CLPB: variants seen among roughly 807,000 people sequenced by gnomAD.
CLPB encodes the protein mitochondrial disaggregase.
A neutral mutation model predicts 78.4 loss-of-function variants in CLPB; 40 were observed. The observed-to-expected ratio is 0.51, with a 90% confidence interval of 0.40 to 0.66. The LOEUF (loss-of-function observed/expected upper bound fraction) is 0.66, where lower values mean the gene tolerates loss of function less well. Ranked by LOEUF, CLPB falls within the 30% of genes least tolerant of loss-of-function variation. The pLI is 0.00. For synonymous variants in CLPB, 333 were observed against 348.0 expected (o/e 0.96, Z 0.48); for missense variants, 780 against 886.9 (o/e 0.88, Z 1.53).
At chr11:72,341,259 G>T (rs545217330) in intron 5 of CLPB, among the ~76,000 whole-genome samples, 1 of 152,130 alleles carries the variant, frequency 6.6e-6, no homozygotes, top group African/African-American at 2.4e-5. Flanking sequence ...CAGGGAGCCG[G>T]CTACCCTACC....
At chr11:72,424,240 A>G (rs1447500659) in intron 2 of CLPB, among the ~76,000 whole-genome samples, 1 of 152,222 alleles carries the variant, frequency 6.6e-6, no homozygotes, top group Non-Finnish European at 1.5e-5. Context: ...TATCGGGCCC[A>G]GAGAGACCTG....
chr11:72,362,303 C>A (rs1950855339), intron 4 of CLPB, among the ~76,000 whole-genome samples: 1 of 152,208 alleles, frequency 6.6e-6, no homozygotes, highest in African/African-American at 2.4e-5. Context: ...TTATTACATT[C>A]TATCGTAAGC....
Position 72,293,399 on chromosome 11 carries a change from G to C in CLPB, c.2002C>G (p.Leu668Val), listed in dbSNP as rs1348557095. 6.2e-6 allele frequency: 10 copies of C among 1,614,076 alleles called. No homozygotes were observed. Among genetic ancestry groups the C allele is most frequent in the Non-Finnish European group, 8.5e-6 (10 of 1,180,026 alleles). Residue 668 changes from leucine to valine, a missense_variant, in exon 16 of 16, where the codon CTG (leucine) becomes GTG (valine). Physicochemically the swap from Leu to Val is conservative, Grantham distance 32 (BLOSUM62 1). Coordinates refer to ENST00000538039, the MANE Select transcript of CLPB (RefSeq NM_001258392.3). The stretch of plus-strand genomic sequence containing the variant: ...GTGTTGCACACCTTCTCAGGGTGCA[G>C]TGGTGCCCGGATGTCCAGTCTGCGA... ...KTRRLDIRAP[L>V]HPEKVCNTI
intron 7 of CLPB, among the ~76,000 whole-genome samples, chr11:72,314,160 A>T (rs1309925555): frequency 6.6e-6 from 1 of 152,210 alleles, no homozygotes; most frequent in Non-Finnish European, 1.5e-5. Context: ...TGTAATATGG[A>T]ATATGCGTCA....
chr11:72,369,597 T>G (rs1003775577), intron 4 of CLPB, among the ~76,000 whole-genome samples: 2 of 152,172 alleles, frequency 1.3e-5, no homozygotes, highest in Admixed American at 6.5e-5. Context: ...TCCTCTGCCT[T>G]TTCTTCAAGA....
chr11:72,334,969 A>T (rs1204645058), intron 5 of CLPB, among the ~76,000 whole-genome samples: 1 of 152,230 alleles, frequency 6.6e-6, no homozygotes, highest in African/African-American at 2.4e-5. Flanking sequence ...AAGGTCACTC[A>T]TTGGGGAAAT....
chr11:72,303,791 T>C (rs1281049807), intron 9 of CLPB: 2 of 152,252 alleles, frequency 1.3e-5, no homozygotes, highest in Non-Finnish European at 2.9e-5. Context: ...AGGCAAGCTA[T>C]AAAGGGCTTA....
At chr11:72,377,460 AAG>A (rs1854743148) in intron 4 of CLPB, among the ~76,000 whole-genome samples, 2 of 152,190 alleles carry the variant, frequency 1.3e-5, no homozygotes, top group Non-Finnish European at 2.9e-5. Context: ...ATGAAATAAG[AAG>A]AGATAGTTAA....
At chr11:72,432,863 C>G (rs183561804) in intron 1 of CLPB, among the ~76,000 whole-genome samples, 21 of 152,288 alleles carry the variant, frequency 1.4e-4, no homozygotes, top group African/African-American at 4.1e-4. Flanking sequence ...AAGGCACTCC[C>G]TACTCCCCAA....
At chr11:72,335,517 C>A (rs998599203) in intron 5 of CLPB, among the ~76,000 whole-genome samples, 2 of 152,202 alleles carry the variant, frequency 1.3e-5, no homozygotes, top group Non-Finnish European at 2.9e-5. Flanking sequence ...CTCTCACCAA[C>A]CCCACTTCCA....
chr11:72,380,371 G>C lies in CLPB; in HGVS notation c.556C>G (p.Leu186Val). 1 of 1,614,012 alleles carries C rather than the reference G, an allele frequency of 6.2e-7. No individual in the cohort carries two copies. Among genetic ancestry groups the C allele is most frequent in the Non-Finnish European group, 8.5e-7 (1 of 1,179,872 alleles). ...TTTGGATCAGCCCCAGCAGCAAGCA[G>C]GACCTGTACCACACTAGAAGAAATC... Reference protein sequence around the residue: ...INRNNSVVQVLLAAGADPNLG... With the variant: ...INRNNSVVQVVLAAGADPNLG... The change falls in exon 4 of 16, where the codon CTG becomes GTG. Residue 186 changes from leucine to valine, a missense_variant. Coordinates refer to ENST00000538039, the MANE Select transcript of CLPB (RefSeq NM_001258392.3).
chr11:72,319,259 C>T (rs1222895778), intron 6 of CLPB, among the ~76,000 whole-genome samples: 1 of 152,240 alleles, frequency 6.6e-6, no homozygotes, highest in East Asian at 1.9e-4. Context: ...CTGTTTGTCT[C>T]TCCTTCCTGG....
chr11:72,315,406 G>T (rs1399243373), intron 7 of CLPB, among the ~76,000 whole-genome samples: 1 of 152,212 alleles, frequency 6.6e-6, no homozygotes, highest in South Asian at 2.1e-4. Context: ...TGGAAGGAGA[G>T]CCTCACTTTC....
chr11:72,322,041 A>C (rs1187852341), intron 6 of CLPB, among the ~76,000 whole-genome samples: 1 of 152,134 alleles, frequency 6.6e-6, no homozygotes, highest in Non-Finnish European at 1.5e-5. Flanking sequence ...GTGCCAACAA[A>C]GAAGTCTAGG....
rs1017640223 is a variant in CLPB, at chr11:72,402,995, G to C, written c.513C>G (p.Leu171=). ...TGTTTCGGTTGATGGCTGCCACCAT[G>C]AGTGCTGTCCAGCCAAGTCTGTGCT... The part of the protein sequence containing the change: ...NAKHRLGWTA[L]MVAAINRNNS... Residue 171 remains leucine (L), a synonymous_variant, in exon 3 of 16, where the codon CTC becomes CTG. Coordinates refer to ENST00000538039, the MANE Select transcript of CLPB (RefSeq NM_001258392.3). 6.2e-7 allele frequency: 1 copy of C among 1,613,856 alleles called. No individual in the cohort carries two copies. The highest frequency in any genetic ancestry group is 8.5e-7 in the Non-Finnish European group (1 of 1,180,016).
In CLPB at chr11:72,288,419, G is replaced by C. The variant is rs1363789911; in HGVS notation, c.*4948C>G. ...GGCATGAGACCTGCTTGAACTGGAG[G>C]TGGAGGTTGCAGTGAGCCAAGATTG... On this transcript the variant is annotated 3_prime_UTR_variant, in exon 16 of 16. Coordinates refer to ENST00000538039, the MANE Select transcript of CLPB (RefSeq NM_001258392.3). The C allele has an allele frequency of 6.6e-6, 1 of 152,120 alleles. No individual in the cohort carries two copies. The highest frequency in any genetic ancestry group is 1.5e-5 in the Non-Finnish European group (1 of 68,062). 9.4% of individuals were successfully genotyped at this position (152,120 alleles called of 1,614,324 possible).
chr11:72,359,012 G>A lies in CLPB; in HGVS notation c.647-4C>T, dbSNP rs1180447068. 1 of 1,613,472 alleles carries A rather than the reference G, an allele frequency of 6.2e-7. No individual in the cohort carries two copies. Among genetic ancestry groups the A allele is most frequent in the South Asian group, 1.1e-5 (1 of 91,040 alleles). Reference sequence around the variant, plus strand: ...TCATCCTCTCGGGTGATCAGGACTGGGGAGACAGCAACACAAACCCTTCCA... The same window carrying A: ...TCATCCTCTCGGGTGATCAGGACTGAGGAGACAGCAACACAAACCCTTCCA... On this transcript the variant is annotated splice_polypyrimidine_tract_variant and splice_region_variant and intron_variant, in intron 4 of 15. Transcript: ENST00000538039.
At chr11:72,339,045 G>A (rs1295121141) in intron 5 of CLPB, among the ~76,000 whole-genome samples, 1 of 152,228 alleles carries the variant, frequency 6.6e-6, no homozygotes, top group African/African-American at 2.4e-5. Flanking sequence ...AGGTCTGGAA[G>A]GAGTTTCCAC....
chr11:72,396,205 C>T (rs981715884), intron 3 of CLPB, among the ~76,000 whole-genome samples: 12 of 152,072 alleles, frequency 7.9e-5, no homozygotes, highest in Admixed American at 3.9e-4. Context: ...CTCAGTTCCT[C>T]GGGGACCCTG....
Sources: gnomAD v4.1 joint callset for allele counts (sites outside exome capture counted in the v4.1 genomes callset) on GRCh38, gnomAD v4.1.1 for gene constraint, MANE v1.5 for transcripts, NCBI Gene and HGNC (gene_info 2026-07-23, HGNC 2026-07-21) for gene names.